Variants in ZNF667 observed in about 807,000 individuals in gnomAD.
The protein encoded by ZNF667 is myocardial ischemic preconditioning upregulated 1 ortholog.
Under a neutral mutation model 31.8 loss-of-function variants are expected in ZNF667, and 13 were observed. The ratio of observed to expected loss-of-function variants is 0.41; its 90% CI spans 0.27 to 0.65. The LOEUF (loss-of-function observed/expected upper bound fraction) is 0.65. Among genes scored for constraint, ZNF667 ranks in the 30% least tolerant of loss-of-function variants. The pLI is 0.32. For missense variants in ZNF667, 642 were observed against 725.6 expected (o/e 0.88, Z 1.32); for synonymous variants, 228 against 247.1 (o/e 0.92, Z 0.73).
At position 56,472,150 on chromosome 19, in the gene ZNF667, T is replaced by C. The variant is rs2043306037; in HGVS notation, c.-511A>G. On this transcript the variant is annotated 5_prime_UTR_variant, in exon 3 of 7. Transcript: ENST00000504904. ...GCAGCACGAAAACAGACTCATACAT[T>C]GTCCATAAAATAATTTTCTTCAAGG... 1 of 152,184 alleles carries C rather than the reference T, an allele frequency of 6.6e-6. No homozygotes were observed. Among genetic ancestry groups the C allele is most frequent in the Non-Finnish European group, 1.5e-5 (1 of 68,040 alleles). 9.4% of individuals were successfully genotyped at this position (152,184 alleles called of 1,614,324 possible).
chr19:56,469,195 C>T (rs545045439), intron 3 of ZNF667, among the ~76,000 whole-genome samples: 3 of 152,316 alleles, frequency 2.0e-5, no homozygotes, highest in East Asian at 1.9e-4. Context: ...CAGAAAGGAG[C>T]GCTGAAACAT....
chr19:56,473,630 G>A (rs2043340066), intron 2 of ZNF667, among the ~76,000 whole-genome samples: 1 of 152,168 alleles, frequency 6.6e-6, no homozygotes, highest in Admixed American at 6.5e-5. Context: ...GGTGCCCCTG[G>A]CATCTAGTGA....
chr19:56,475,785 G>A (rs1568458551), intron 1 of ZNF667: 1 of 152,032 alleles, frequency 6.6e-6, no homozygotes, highest in Non-Finnish European at 1.5e-5. Flanking sequence ...GGCTCCCTAG[G>A]GACATCTCCA....
chr19:56,458,396 T>C (rs1032366520), intron 5 of ZNF667, 149 bp from the exon 6 acceptor site: 2 of 657,156 alleles, frequency 3.0e-6, no homozygotes, highest in Non-Finnish European at 5.4e-6. Context: ...GAGTGTGATA[T>C]TGTGATTTAT....
rs58943190 is a variant in ZNF667, at chr19:56,444,363, T to C, written c.254-1622A>G. On this transcript the variant is annotated intron_variant, in intron 6 of 6. Transcript: ENST00000504904. ...GAGAGAGTGTGGAGGAGGTGCCACATATTACAACGATCAGATTTTGTAAGA... is the reference window on the plus strand; with the variant it reads ...GAGAGAGTGTGGAGGAGGTGCCACACATTACAACGATCAGATTTTGTAAGA... 7.1e-3 allele frequency: 2,804 copies of C among 396,782 alleles called. 77 individuals carry two copies. Among genetic ancestry groups the C allele is most frequent in the African/African-American group, 0.053 (2,575 of 48,608 alleles). The allele number at this position is 396,782 out of a possible 1,614,324, so 24.6% of individuals were successfully genotyped here.
intron 6 of ZNF667, among the ~76,000 whole-genome samples, chr19:56,447,785 G>A (rs2042736146): frequency 2.0e-5 from 3 of 152,120 alleles, no homozygotes; most frequent in Admixed American, 2.0e-4. Flanking sequence ...GGAGGCTGGG[G>A]CAGGAGAATT....
rs1008392985 is a variant in ZNF667, at chr19:56,471,834, G to C, written c.-195C>G. On this transcript the variant is annotated 5_prime_UTR_variant, in exon 3 of 7. In the 5' UTR this introduces an upstream ATG that the reference lacks. Coordinates refer to ENST00000504904, the MANE Select transcript of ZNF667 (RefSeq NM_001321356.2). ...CCACGCACCCCAAATTTGAGAAGAT[G>C]ATTCTTGTCTGATATGGTCTGGCTG... 6.6e-6 allele frequency: 1 copy of C among 152,174 alleles called. No homozygotes were observed. Among genetic ancestry groups the C allele is most frequent in the Non-Finnish European group, 1.5e-5 (1 of 68,032 alleles). 9.4% of individuals were successfully genotyped at this position (152,174 alleles called of 1,614,324 possible).
At chr19:56,467,853 C>A (rs1457392655) in intron 3 of ZNF667, 1 of 152,222 alleles carries the variant, frequency 6.6e-6, no homozygotes, top group African/African-American at 2.4e-5. Context: ...CCTCCAGGAA[C>A]CTCCATGTGT....
intron 2 of ZNF667, 88 bp from the exon 3 acceptor site, chr19:56,472,275 C>T (rs968685064): frequency 6.6e-6 from 1 of 152,196 alleles, no homozygotes; most frequent in Non-Finnish European, 1.5e-5. Flanking sequence ...AAAAGTTACA[C>T]AAAGCCTGTT....
rs1294698488 is a variant in ZNF667 at position 56,440,126 on chromosome 19, C to G, written c.*1036G>C. 1 of 152,202 alleles carries G rather than the reference C, an allele frequency of 6.6e-6. No homozygotes were observed. Among genetic ancestry groups the G allele is most frequent in the Non-Finnish European group, 1.5e-5 (1 of 68,034 alleles). The allele number at this position is 152,202 out of a possible 1,614,324, so 9.4% of individuals were successfully genotyped here. A position where few individuals can be genotyped will look rare whatever the true frequency, so the allele number is the denominator to read the frequency against. ...AGGGACATAAACATTCAGTCCATAACAACTCATATTACACCACTTATTGCA... is the reference window on the plus strand; with the variant it reads ...AGGGACATAAACATTCAGTCCATAAGAACTCATATTACACCACTTATTGCA... On this transcript the variant is annotated 3_prime_UTR_variant, in exon 7 of 7. Coordinates refer to ENST00000504904, the MANE Select transcript of ZNF667 (RefSeq NM_001321356.2).
chr19:56,464,740 A>G (rs2043123633), intron 3 of ZNF667, among the ~76,000 whole-genome samples: 2 of 152,160 alleles, frequency 1.3e-5, no homozygotes, highest in South Asian at 4.1e-4. Flanking sequence ...AACACACACA[A>G]TGATCTAGGC....
Position 56,462,407 on chromosome 19 carries a change from G to T in ZNF667, c.-37C>A. On this transcript the variant is annotated 5_prime_UTR_variant, in exon 4 of 7. Transcript: ENST00000504904. ...CCTTTAGGGTCCACACTGAGAGATGGGCAGAGAGCTGGTAAGGCAGGGCTG... is the reference window on the plus strand; with the variant it reads ...CCTTTAGGGTCCACACTGAGAGATGTGCAGAGAGCTGGTAAGGCAGGGCTG... The T allele has an allele frequency of 4.3e-6, 7 of 1,613,584 alleles. No individual in the cohort carries two copies. The highest frequency in any genetic ancestry group is 5.1e-6 in the Non-Finnish European group (6 of 1,179,548).
At chr19:56,463,859 T>C (rs1300562136) in intron 3 of ZNF667, among the ~76,000 whole-genome samples, 1 of 152,128 alleles carries the variant, frequency 6.6e-6, no homozygotes, top group Non-Finnish European at 1.5e-5. Context: ...TATTCACTAT[T>C]AAAACAATAA....
chr19:56,460,870 G>C, intron 4 of ZNF667, 55 bp from the exon 5 acceptor site: 1 of 1,505,272 alleles, frequency 6.6e-7, no homozygotes, highest in Non-Finnish European at 8.9e-7. Flanking sequence ...CCACATGGCT[G>C]GAGGAAATGG....
At chr19:56,459,561 G>T (rs2043001542) in intron 5 of ZNF667, among the ~76,000 whole-genome samples, 1 of 152,136 alleles carries the variant, frequency 6.6e-6, no homozygotes, top group African/African-American at 2.4e-5. Flanking sequence ...CTTCCTTAAA[G>T]CGCTAAAAAC....
At chr19:56,470,243 A>C (rs2043262445) in intron 3 of ZNF667, among the ~76,000 whole-genome samples, 1 of 152,222 alleles carries the variant, frequency 6.6e-6, no homozygotes, top group Non-Finnish European at 1.5e-5. Context: ...AGGTGGGGCC[A>C]GTTCTGTGGG....
chr19:56,465,911 G>A (rs891783183), intron 3 of ZNF667, among the ~76,000 whole-genome samples: 1 of 152,204 alleles, frequency 6.6e-6, no homozygotes, highest in Non-Finnish European at 1.5e-5. Flanking sequence ...TTCATGGTGT[G>A]GTGCAGGGAG....
chr19:56,446,136 G>A (rs967211833), intron 6 of ZNF667, among the ~76,000 whole-genome samples: 43 of 152,236 alleles, frequency 2.8e-4, no homozygotes, highest in African/African-American at 9.6e-4. Context: ...TCATAGGTGT[G>A]CTTTAAAGGC....
At chr19:56,458,636 C>T (rs1208201269) in intron 5 of ZNF667, among the ~76,000 whole-genome samples, 2 of 152,244 alleles carry the variant, frequency 1.3e-5, no homozygotes, top group East Asian at 3.9e-4. Flanking sequence ...GAGCCAATCA[C>T]TAATGGCCAA....
Sources: allele counts gnomAD v4.1 joint callset (sites outside exome capture counted in the v4.1 genomes callset), GRCh38; gene constraint gnomAD v4.1.1; transcripts MANE v1.5; gene names NCBI Gene and HGNC (gene_info 2026-07-23, HGNC 2026-07-21).